The following QRICH1 variants were observed in gnomAD, a reference collection of about 807,000 sequenced individuals.
The protein encoded by QRICH1 is transcriptional regulator QRICH1.
In QRICH1, 16 loss-of-function variants were observed where a neutral mutation model predicts 87.1. The observed-to-expected ratio is 0.18, with a 90% CI of 0.12 to 0.28. The LOEUF is 0.28. QRICH1 is among the 10% of genes least tolerant of loss of function. The pLI is 1.00. For missense variants in QRICH1, 647 were observed against 951.7 expected (o/e 0.68, Z 4.21); for synonymous variants, 367 against 368.4 (o/e 1.00, Z 0.05).
At chr3:49,061,867 T>C (rs889423790) in intron 2 of QRICH1, among the ~76,000 whole-genome samples, 2 of 151,838 alleles carry the variant, frequency 1.3e-5, no homozygotes, top group African/African-American at 4.8e-5. Context: ...AAAGAATATA[T>C]GCAAATGGCC....
chr3:49,044,541 C>T (rs756309763), intron 5 of QRICH1, 37 bp from the exon 6 acceptor site: 106 of 1,404,294 alleles, frequency 7.5e-5, no homozygotes, highest in Non-Finnish European at 1.0e-4. Flanking sequence ...TATTGGTAGT[C>T]TCCTGAACAA....
rs147353647 is a variant in QRICH1 at position 49,051,090 on chromosome 3, T to C, written c.1339-3844A>G. On this transcript the variant is annotated intron_variant, in intron 3 of 9. Transcript: ENST00000395443. Reference sequence around the variant, plus strand: ...CTGAGGACTCATTCTCTGATTTCCATAGACCTTTGATCCAGATGCTGCATT... The same window carrying C: ...CTGAGGACTCATTCTCTGATTTCCACAGACCTTTGATCCAGATGCTGCATT... 7.2e-5 allele frequency among the ~76,000 whole-genome samples: 11 copies of C among 152,302 alleles called. No individual in the cohort carries two copies. In the East Asian group the frequency reaches 1.9e-3, roughly 27 times the overall value.
intron 2 of QRICH1, among the ~76,000 whole-genome samples, chr3:49,062,027 G>A (rs1454810014): frequency 6.6e-6 from 1 of 152,008 alleles, no homozygotes; most frequent in Admixed American, 6.6e-5. Flanking sequence ...ACTTGAAACT[G>A]CTGGTGGGCA....
intron 1 of QRICH1, among the ~76,000 whole-genome samples, chr3:49,091,813 T>A (rs1252294770): frequency 6.6e-6 from 1 of 152,236 alleles, no homozygotes; most frequent in Non-Finnish European, 1.5e-5. Context: ...GGCTCACGCC[T>A]GTAATCCCAG....
chr3:49,042,713 C>T (rs1312058633), intron 6 of QRICH1, among the ~76,000 whole-genome samples: 2 of 152,150 alleles, frequency 1.3e-5, no homozygotes, highest in South Asian at 2.1e-4. Context: ...GCTGGGATTA[C>T]AGGTACCTGC....
chr3:49,050,248 C>CAAAAAAAAAAAAAAAAAAAA (rs527597101), intron 3 of QRICH1, among the ~76,000 whole-genome samples: 57 of 52,408 alleles, frequency 1.1e-3, no homozygotes, highest in Non-Finnish European at 1.6e-3. Flanking sequence ...GACTCCGTCT[C>CAAAAAAAAAAAAAAAAAAAA]AAAAAAAAAA....
At chr3:49,066,083 G>A (rs902180972) in intron 2 of QRICH1, among the ~76,000 whole-genome samples, 6 of 152,026 alleles carry the variant, frequency 3.9e-5, no homozygotes, top group Admixed American at 2.0e-4. Flanking sequence ...TCAGGAGTTC[G>A]AGACCAGCCT....
intron 1 of QRICH1, among the ~76,000 whole-genome samples, chr3:49,087,946 TATTTC>T (rs1251593084): frequency 1.3e-5 from 2 of 151,614 alleles, no homozygotes; most frequent in South Asian, 4.2e-4. Context: ...ATATTCATTT[TATTTC>T]ATTTATTTTT....
intron 2 of QRICH1, among the ~76,000 whole-genome samples, chr3:49,062,280 C>T (rs934450623): frequency 1.1e-4 from 16 of 151,454 alleles, no homozygotes; most frequent in African/African-American, 3.6e-4. Context: ...AGCTAGTGAG[C>T]CGAGATGGCG....
chr3:49,062,998 T>A (rs2093444413), intron 2 of QRICH1, among the ~76,000 whole-genome samples: 1 of 149,570 alleles, frequency 6.7e-6, no homozygotes, highest in Admixed American at 6.7e-5. Context: ...AGACTCCGTC[T>A]CAAAAAAAAA....
intron 2 of QRICH1, among the ~76,000 whole-genome samples, chr3:49,071,839 C>A (rs541872134): frequency 1.0e-3 from 154 of 152,180 alleles, no homozygotes; most frequent in Non-Finnish European, 2.0e-3. Context: ...ATCACACAAG[C>A]AAGCCACCAT....
At chr3:49,052,567 G>A (rs2093377334) in intron 3 of QRICH1, among the ~76,000 whole-genome samples, 1 of 152,124 alleles carries the variant, frequency 6.6e-6, no homozygotes, top group South Asian at 2.1e-4. Context: ...GTGCAGTGGC[G>A]CGATCTCGGC....
chr3:49,072,536 A>C (rs1336639437), intron 2 of QRICH1, among the ~76,000 whole-genome samples: 1 of 152,012 alleles, frequency 6.6e-6, no homozygotes, highest in Non-Finnish European at 1.5e-5. Flanking sequence ...CATTACAAAA[A>C]AAAAAAAACT....
chr3:49,056,789 G>T (rs1052350282), intron 3 of QRICH1, 73 bp downstream of exon 3: 3 of 1,604,870 alleles, frequency 1.9e-6, no homozygotes, highest in Middle Eastern at 1.7e-4. Context: ...GCCAGAGGTT[G>T]CGAGGCAAGC....
At chr3:49,059,782 G>A (rs1046049702) in intron 2 of QRICH1, among the ~76,000 whole-genome samples, 10 of 150,552 alleles carry the variant, frequency 6.6e-5, no homozygotes, top group African/African-American at 2.4e-4. Context: ...TGATATGGTA[G>A]TCACGGCTCA....
intron 2 of QRICH1, among the ~76,000 whole-genome samples, chr3:49,069,109 T>TA (rs59623077): frequency 0.21 from 25,588 of 123,950 alleles, 3,046 homozygotes; most frequent in East Asian, 0.61. Context: ...TTATTATTAT[T>TA]TTTTTTTTTT....
chr3:49,029,969 C>A lies in QRICH1; in HGVS notation c.*483G>T, dbSNP rs72639215. On this transcript the variant is annotated 3_prime_UTR_variant, in exon 10 of 10. Coordinates refer to ENST00000395443, the MANE Select transcript of QRICH1 (RefSeq NM_198880.3). ...TCTTTAATAAATCATAATTGAAGTT[C>A]CCCTCATTTTTCTTCCATTAAGATG... is the stretch of plus-strand genomic sequence containing the variant. The A allele has an allele frequency of 7.4e-4, 140 of 188,838 alleles. 3 individuals carry two copies. The East Asian group carries it at 0.016, about 22-fold the overall frequency. The allele number at this position is 188,838 out of a possible 1,614,324, so 11.7% of individuals were successfully genotyped here. A position where few individuals can be genotyped will look rare whatever the true frequency, so the allele number is the denominator to read the frequency against.
At chr3:49,088,538 G>A (rs1393840112) in intron 1 of QRICH1, among the ~76,000 whole-genome samples, 1 of 149,876 alleles carries the variant, frequency 6.7e-6, no homozygotes, top group Admixed American at 6.7e-5. Flanking sequence ...CCTCAGGTGA[G>A]GAGTTCATTT....
rs557793221 is a variant in QRICH1 at position 49,050,986 on chromosome 3, T to C, written c.1339-3740A>G. Among the ~76,000 whole-genome samples, 448 of 152,294 alleles carry C rather than the reference T, an allele frequency of 2.9e-3. 4 individuals are homozygous for C. Among genetic ancestry groups the C allele is most frequent in the African/African-American group, 0.01 (427 of 41,572 alleles). ...TTCCCCCACTGTTTTATTAAAAAGTTTGTCACCAATTACCGTCTTGCTCAA... is the reference window on the plus strand; with the variant it reads ...TTCCCCCACTGTTTTATTAAAAAGTCTGTCACCAATTACCGTCTTGCTCAA... On this transcript the variant is annotated intron_variant, in intron 3 of 9. Transcript: ENST00000395443.
Sources: gnomAD v4.1 joint callset for allele counts (sites outside exome capture counted in the v4.1 genomes callset) on GRCh38, gnomAD v4.1.1 for gene constraint, MANE v1.5 for transcripts, NCBI Gene and HGNC (gene_info 2026-07-23, HGNC 2026-07-21) for gene names.